FREM3: variants seen among roughly 807,000 people sequenced by gnomAD.
FREM3 encodes the protein FRAS1 related extracellular matrix 3, also known as FRAS1-related extracellular matrix protein 3.
FREM3 carries 105 observed loss-of-function variants against 129.1 expected under a neutral mutation model. That is an observed-to-expected ratio of 0.81 (90% CI 0.69 to 0.96). FREM3 has a LOEUF of 0.96. Ranked by LOEUF, FREM3 falls within the 40% of genes least tolerant of loss-of-function variation. The probability of loss-of-function intolerance (pLI) is 0.00; values close to 1 mark genes in which losing one functional copy is unlikely to be tolerated. For missense variants in FREM3, 2,593 were observed against 2,666.3 expected (o/e 0.97, Z 0.61); for synonymous variants, 1,014 against 1,044.9 (o/e 0.97, Z 0.57).
At chr4:143,604,971 A>T (rs1578831354) in intron 6 of FREM3, among the ~76,000 whole-genome samples, 5 of 152,172 alleles carry the variant, frequency 3.3e-5, no homozygotes, top group Admixed American at 3.3e-4. Flanking sequence ...GGCTTAATTC[A>T]TTCAAGGATA....
chr4:143,660,974 G>A (rs995460028), intron 2 of FREM3, among the ~76,000 whole-genome samples: 2 of 152,154 alleles, frequency 1.3e-5, no homozygotes, highest in Non-Finnish European at 2.9e-5. Flanking sequence ...TCAGCTTAAG[G>A]AGATTTTGGG....
Position 143,695,866 on chromosome 4 carries a change from T to A in FREM3, c.4810A>T (p.Asn1604Tyr), listed in dbSNP as rs1469616695. The A allele has an allele frequency of 6.5e-7, 1 of 1,537,458 alleles. No homozygotes were observed. The highest frequency in any genetic ancestry group is 8.7e-7 in the Non-Finnish European group (1 of 1,146,966). ...CCGTCATGCTTGTAGCTAATCAGGT[T>A]CTTGTTCAGGTCTTGCTTGGTGAAA... ...TTFTKQDLNK[N>Y]LISYKHDGSE... Residue 1604 changes from asparagine (N) to tyrosine (Y), a missense_variant, in exon 1 of 8, where the codon AAC becomes TAC. Physicochemically the swap from Asn to Tyr is moderately radical, Grantham distance 143 (BLOSUM62 -2). Transcript: ENST00000329798.
chr4:143,653,932 A>G (rs1739552777), intron 2 of FREM3, among the ~76,000 whole-genome samples: 1 of 152,214 alleles, frequency 6.6e-6, no homozygotes, highest in Admixed American at 6.5e-5. Context: ...TACCAGAATG[A>G]AACATGAGAA....
intron 2 of FREM3, among the ~76,000 whole-genome samples, chr4:143,677,507 C>T (rs1165748887): frequency 6.6e-6 from 1 of 152,134 alleles, no homozygotes; most frequent in Non-Finnish European, 1.5e-5. Flanking sequence ...TCTGAAACAC[C>T]AAAAGCAATG....
At chr4:143,642,215 G>T (rs1368254052) in intron 2 of FREM3, among the ~76,000 whole-genome samples, 1 of 152,104 alleles carries the variant, frequency 6.6e-6, no homozygotes, top group Non-Finnish European at 1.5e-5. Context: ...TTGTTAAAAT[G>T]GCCATACTAC....
At chr4:143,652,690 T>C (rs1739533987) in intron 2 of FREM3, among the ~76,000 whole-genome samples, 1 of 152,190 alleles carries the variant, frequency 6.6e-6, no homozygotes, top group Admixed American at 6.5e-5. Flanking sequence ...TGGAGTACAG[T>C]GCGATCTCAG....
intron 2 of FREM3, among the ~76,000 whole-genome samples, chr4:143,648,570 T>G (rs975489533): frequency 6.6e-6 from 1 of 152,200 alleles, no homozygotes; most frequent in African/African-American, 2.4e-5. Context: ...TCTCATGAGA[T>G]CTGATGGCTT....
intron 2 of FREM3, among the ~76,000 whole-genome samples, chr4:143,668,660 CT>C (rs1310875495): frequency 6.6e-6 from 1 of 152,174 alleles, no homozygotes; most frequent in African/African-American, 2.4e-5. Flanking sequence ...CCAGGTGTGC[CT>C]TTCATGTTTT....
At chr4:143,634,494 C>T (rs894073898) in intron 2 of FREM3, among the ~76,000 whole-genome samples, 10 of 152,000 alleles carry the variant, frequency 6.6e-5, no homozygotes, top group African/African-American at 2.4e-4. Context: ...CCTTTTTCAC[C>T]CTCTCTCAGA....
Position 143,692,922 on chromosome 4 carries a change from A to G in FREM3, c.5275+191T>C, listed in dbSNP as rs371105002. On this transcript the variant is annotated intron_variant, in intron 2 of 7. Coordinates refer to ENST00000329798, the MANE Select transcript of FREM3 (RefSeq NM_001168235.2). ...GCTTTTTCTTCCTAAAAAGTTATTT[A>G]TCAAGAATCGTTTGGCACAGGACCA... 4.7e-4 allele frequency among the ~76,000 whole-genome samples: 72 copies of G among 152,314 alleles called. 1 individual carries two copies. Among genetic ancestry groups the G allele is most frequent in the African/African-American group, 1.7e-3 (70 of 41,586 alleles).
intron 6 of FREM3, among the ~76,000 whole-genome samples, chr4:143,593,071 T>C (rs1000334395): frequency 6.6e-6 from 1 of 152,236 alleles, no homozygotes; most frequent in Non-Finnish European, 1.5e-5. Context: ...TCTCGTGCTG[T>C]GGTTTTCAGC....
At chr4:143,636,803 A>T (rs1055805629) in intron 2 of FREM3, among the ~76,000 whole-genome samples, 1 of 152,154 alleles carries the variant, frequency 6.6e-6, no homozygotes, top group Non-Finnish European at 1.5e-5. Flanking sequence ...TTGAAAATGC[A>T]TTTAATAAAT....
In FREM3 at chr4:143,697,091, T is replaced by C; in HGVS notation, c.3585A>G (p.Lys1195=). The change falls in exon 1 of 8, where the codon AAA becomes AAG. Residue 1195 remains lysine, a synonymous_variant. Coordinates refer to ENST00000329798, the MANE Select transcript of FREM3 (RefSeq NM_001168235.2). ...IILPTNDEQP[K]LFAHEFKVLE... is the part of the protein sequence containing the mutation. ...GTACCTTAAACTCATGGGCAAAAAGTTTAGGCTGCTCATCATTGGTGGGTA... is the reference window on the plus strand; with the variant it reads ...GTACCTTAAACTCATGGGCAAAAAGCTTAGGCTGCTCATCATTGGTGGGTA... The C allele has an allele frequency of 6.5e-7, 1 of 1,537,680 alleles. No individual in the cohort carries two copies. Among genetic ancestry groups the C allele is most frequent in the Non-Finnish European group, 8.7e-7 (1 of 1,146,998 alleles).
intron 2 of FREM3, among the ~76,000 whole-genome samples, chr4:143,679,244 A>G (rs80015227): frequency 0.013 from 2,052 of 152,324 alleles, 49 homozygotes; most frequent in African/African-American, 0.047. Context: ...ACAATTACCA[A>G]TGCTAAAAAG....
rs180979529 is a variant in FREM3, at chr4:143,627,598, A to G, written c.5422+16T>C. The stretch of plus-strand genomic sequence containing the variant: ...TTCCATGACCTTTTACCAACAACCA[A>G]TCCAAAGTTACTTACTGATAAATGA... On this transcript the variant is annotated intron_variant, in intron 3 of 7. Transcript: ENST00000329798. The G allele has an allele frequency of 4.8e-4, 730 of 1,532,408 alleles. 4 individuals are homozygous for G. Among genetic ancestry groups the G allele is most frequent in the South Asian group, 1.1e-4 (9 of 83,914 alleles). 94.9% of individuals were successfully genotyped at this position (1,532,408 alleles called of 1,614,324 possible).
At chr4:143,608,374 T>A (rs1738700653) in intron 6 of FREM3, among the ~76,000 whole-genome samples, 2 of 151,956 alleles carry the variant, frequency 1.3e-5, no homozygotes, top group South Asian at 2.1e-4. Flanking sequence ...GTTCTGAGCA[T>A]ACCAACAAAG....
At chr4:143,598,810 T>C (rs933698123) in intron 6 of FREM3, among the ~76,000 whole-genome samples, 1 of 152,234 alleles carries the variant, frequency 6.6e-6, no homozygotes, top group African/African-American at 2.4e-5. Context: ...CAGTATTCAG[T>C]ACAGTAACAT....
At chr4:143,593,600 T>C (rs539028622) in intron 6 of FREM3, among the ~76,000 whole-genome samples, 3 of 152,222 alleles carry the variant, frequency 2.0e-5, no homozygotes, top group Non-Finnish European at 2.9e-5. Context: ...CTGGAAGTTT[T>C]GTCTCAGAGG....
intron 2 of FREM3, among the ~76,000 whole-genome samples, chr4:143,674,181 A>T (rs561999008): frequency 4.6e-5 from 7 of 152,216 alleles, no homozygotes; most frequent in Non-Finnish European, 1.0e-4. Flanking sequence ...CTTCTGCAGA[A>T]ATCACCCATC....
Sources: allele counts gnomAD v4.1 joint callset (sites outside exome capture counted in the v4.1 genomes callset), GRCh38; gene constraint gnomAD v4.1.1; transcripts MANE v1.5; gene names NCBI Gene and HGNC (gene_info 2026-07-23, HGNC 2026-07-21).